Variants in ANKIB1 observed in about 807,000 individuals in gnomAD.
The protein encoded by ANKIB1 is ankyrin repeat and IBR domain containing 1.
ANKIB1 carries 43 observed loss-of-function variants against 122.1 expected under a neutral mutation model. The observed-to-expected ratio is 0.35, with a 90% CI of 0.28 to 0.45. The LOEUF (loss-of-function observed/expected upper bound fraction) is 0.45, where lower values mean the gene tolerates loss of function less well. ANKIB1 is among the 20% of genes least tolerant of loss of function. ANKIB1 has a pLI of 1.00. For missense variants in ANKIB1, 992 were observed against 1,329.5 expected, an observed-to-expected ratio of 0.75 and a Z score of 3.95; for synonymous variants, 390 against 442.0, an observed-to-expected ratio of 0.88 and a Z score of 1.48.
chr7:92,270,739 T>TG (rs1801769907), intron 1 of ANKIB1, among the ~76,000 whole-genome samples: 1 of 147,352 alleles, frequency 6.8e-6, no homozygotes, highest in African/African-American at 2.5e-5. Flanking sequence ...TTTTTTTTTT[T>TG]TTTTTTTTTT....
chr7:92,295,247 A>G lies in ANKIB1; in HGVS notation c.188+81A>G, dbSNP rs932527303. ...ACAAAGTGGTGAAAAAAAAGGAACTATGATTTTTGAAAATACGGACATATA... is the reference window on the plus strand; with the variant it reads ...ACAAAGTGGTGAAAAAAAAGGAACTGTGATTTTTGAAAATACGGACATATA... On this transcript the variant is annotated intron_variant, in intron 2 of 19. Coordinates refer to ENST00000265742, the MANE Select transcript of ANKIB1 (RefSeq NM_019004.2). The G allele has an allele frequency of 3.7e-6, 4 of 1,077,728 alleles. No individual in the cohort carries two copies. The Admixed American group carries it at 1.0e-4, about 27-fold the overall frequency. 66.8% of individuals were successfully genotyped at this position (1,077,728 alleles called of 1,614,324 possible).
chr7:92,303,467 C>T (rs557981485), intron 2 of ANKIB1, among the ~76,000 whole-genome samples: 4 of 152,156 alleles, frequency 2.6e-5, no homozygotes, highest in African/African-American at 9.6e-5. Context: ...GGTCATACTT[C>T]CCAATTTACA....
intron 1 of ANKIB1, among the ~76,000 whole-genome samples, chr7:92,272,508 A>G (rs1430190342): frequency 6.6e-6 from 1 of 152,170 alleles, no homozygotes; most frequent in Non-Finnish European, 1.5e-5. Context: ...ATAGTTCAAG[A>G]GGTAGGAAGA....
chr7:92,321,855 G>T (rs1000350060), intron 4 of ANKIB1, among the ~76,000 whole-genome samples: 1 of 152,152 alleles, frequency 6.6e-6, no homozygotes, highest in South Asian at 2.1e-4. Context: ...AGCTTATTCA[G>T]ATTAAGTACA....
intron 9 of ANKIB1, among the ~76,000 whole-genome samples, chr7:92,358,566 A>G (rs966499225): frequency 8.8e-5 from 13 of 148,512 alleles, no homozygotes; most frequent in Non-Finnish European, 1.5e-4. Flanking sequence ...CTTTATTTGA[A>G]AACACTGGGC....
chr7:92,393,769 T>A (rs1804832809), intron 17 of ANKIB1, among the ~76,000 whole-genome samples: 1 of 152,152 alleles, frequency 6.6e-6, no homozygotes, highest in African/African-American at 2.4e-5. Flanking sequence ...ATTGAAACAC[T>A]AGGCTTTTAC....
intron 3 of ANKIB1, 24 bp downstream of exon 3, chr7:92,307,680 T>C: frequency 7.0e-7 from 1 of 1,438,490 alleles, no homozygotes; most frequent in South Asian, 1.5e-5. Context: ...TTTTTTAATA[T>C]TCTGCATTGT....
chr7:92,285,565 C>A (rs1283980878), intron 1 of ANKIB1, among the ~76,000 whole-genome samples: 1 of 152,142 alleles, frequency 6.6e-6, no homozygotes, highest in Non-Finnish European at 1.5e-5. Context: ...GATGAGAAAT[C>A]CTCAGTTGTC....
In ANKIB1 at chr7:92,271,552, CACCTCT is replaced by C. The variant is rs569579372; in HGVS notation, c.-90-23335_-90-23330del. On this transcript the variant is annotated intron_variant, in intron 1 of 19. Coordinates refer to ENST00000265742, the MANE Select transcript of ANKIB1 (RefSeq NM_019004.2). ...TGTAGATCAGTTTGGGGAGAATTGA[CACCTCT>C]AACTATGTTGAGCCGGAAAACTTTT... Among the ~76,000 whole-genome samples, 38 of 152,246 alleles carry C rather than the reference CACCTCT, an allele frequency of 2.5e-4. 1 individual carries two copies. The highest frequency in any genetic ancestry group is 1.4e-3 in the Admixed American group (22 of 15,284).
intron 9 of ANKIB1, among the ~76,000 whole-genome samples, chr7:92,357,614 T>A (rs111390425): frequency 0.024 from 3,601 of 151,296 alleles, 74 homozygotes; most frequent in Middle Eastern, 0.041. Flanking sequence ...GCATACCTAT[T>A]GTCCTGGCTA....
At chr7:92,375,125 G>A (rs10233911) in intron 11 of ANKIB1, among the ~76,000 whole-genome samples, 76,762 of 151,988 alleles carry the variant, frequency 0.51, 19,981 homozygotes, top group African/African-American at 0.64. Context: ...AAAATACTTT[G>A]TTACTAAAAA....
chr7:92,251,631 C>T (rs578106431), intron 1 of ANKIB1, among the ~76,000 whole-genome samples: 7 of 152,184 alleles, frequency 4.6e-5, no homozygotes, highest in African/African-American at 1.7e-4. Context: ...CCCTCTCTCT[C>T]TCTGTCTCCA....
At chr7:92,257,677 G>A (rs772650174) in intron 1 of ANKIB1, among the ~76,000 whole-genome samples, 13 of 152,052 alleles carry the variant, frequency 8.5e-5, no homozygotes, top group African/African-American at 2.7e-4. Flanking sequence ...CTGTAATCCC[G>A]GCTACTCGGG....
chr7:92,390,202 A>G, intron 15 of ANKIB1, 86 bp downstream of exon 15: 1 of 1,003,452 alleles, frequency 1.0e-6, no homozygotes, highest in Non-Finnish European at 1.4e-6. Flanking sequence ...GTTTTATTTA[A>G]TGTGGACATG....
chr7:92,323,634 A>ATATTACC (rs1802962014), intron 4 of ANKIB1, among the ~76,000 whole-genome samples: 1 of 152,178 alleles, frequency 6.6e-6, no homozygotes, highest in Non-Finnish European at 1.5e-5. Context: ...GTAAATACCT[A>ATATTACC]TATTACCTGG....
In ANKIB1 at chr7:92,343,007, T is replaced by A; in HGVS notation, c.788-17T>A. ...TATTTTCTTTTTTGAGAGCTATCCA[T>A]TCCATTTTTCTTTAAGACTGGGACA... On this transcript the variant is annotated splice_polypyrimidine_tract_variant and intron_variant, in intron 5 of 19. Coordinates refer to ENST00000265742, the MANE Select transcript of ANKIB1 (RefSeq NM_019004.2). The A allele has an allele frequency of 1.9e-6, 3 of 1,608,780 alleles. No homozygotes were observed. Among genetic ancestry groups the A allele is most frequent in the Non-Finnish European group, 2.6e-6 (3 of 1,175,136 alleles).
chr7:92,375,581 TC>T lies in ANKIB1; in HGVS notation c.1617+3976del, dbSNP rs547773259. 5.9e-5 allele frequency among the ~76,000 whole-genome samples: 9 copies of T among 152,356 alleles called. No homozygotes were observed. In the South Asian group the frequency reaches 1.4e-3, roughly 25 times the overall value. ...TTCAGTCACATCTTCAGGCTGCACT[TC>T]CAGTTCTTTTGCTATTTCTACCACA... is the stretch of plus-strand genomic sequence containing the variant. On this transcript the variant is annotated intron_variant, in intron 11 of 19. Coordinates refer to ENST00000265742, the MANE Select transcript of ANKIB1 (RefSeq NM_019004.2).
rs372871238 is a variant in ANKIB1, at chr7:92,398,317, A to G, written c.2638A>G (p.Ser880Gly). 19 of 1,613,644 alleles carry G rather than the reference A, an allele frequency of 1.2e-5. No individual in the cohort carries two copies. In the African/African-American group the frequency reaches 2.4e-4, roughly 20 times the overall value. Residue 880 changes from serine (S) to glycine (G), a missense_variant, in exon 20 of 20, where the codon AGT becomes GGT. Ser to Gly is a moderately conservative substitution (Grantham distance 56). This residue lies in a region of ANKIB1 where 384 missense variants were observed against 412.0 expected (regional missense o/e 0.93). Transcript: ENST00000265742. Reference protein sequence around the residue: ...ALDEETRDFLSNEASLGAIGT... With the variant: ...ALDEETRDFLGNEASLGAIGT... The stretch of plus-strand genomic sequence containing the variant: ...CGATGAAGAAACTAGAGACTTCCTC[A>G]GTAATGAAGCATCCTTAGGTGCGAT...
At chr7:92,387,735 C>T in intron 12 of ANKIB1, 63 bp from the exon 13 acceptor site, 1 of 1,293,054 alleles carries the variant, frequency 7.7e-7, no homozygotes, top group Admixed American at 2.3e-5. Context: ...ATGATTCCCC[C>T]AAAAAACTAT....
Sources: gnomAD v4.1 joint callset for allele counts (sites outside exome capture counted in the v4.1 genomes callset) on GRCh38, gnomAD v4.1.1 for gene constraint, gnomAD v4.1.1 regional missense constraint, MANE v1.5 for transcripts, NCBI Gene and HGNC (gene_info 2026-07-23, HGNC 2026-07-21) for gene names.